Variants in MGAT4C observed in about 807,000 individuals in gnomAD.
MGAT4C encodes the protein MGAT4 family member C.
Under a neutral mutation model 40.1 loss-of-function variants are expected in MGAT4C, and 19 were observed. The ratio of observed to expected loss-of-function variants is 0.47; its 90% CI spans 0.33 to 0.70. The LOEUF is 0.70. Ranked by LOEUF, MGAT4C falls within the 30% of genes least tolerant of loss-of-function variation. The pLI is 0.02. For synonymous variants in MGAT4C, 181 were observed against 187.1 expected (o/e 0.97, Z 0.27); for missense variants, 491 against 563.2 (o/e 0.87, Z 1.30).
intron 2 of MGAT4C, among the ~76,000 whole-genome samples, chr12:86,672,580 A>C (rs989757652): frequency 6.6e-6 from 1 of 152,126 alleles, no homozygotes; most frequent in Non-Finnish European, 1.5e-5. Context: ...TCAGAGATGA[A>C]AAAGGAGACA....
intron 1 of MGAT4C, among the ~76,000 whole-genome samples, chr12:86,790,956 T>C (rs1189726544): frequency 1.3e-5 from 2 of 152,112 alleles, no homozygotes; most frequent in African/African-American, 4.8e-5. Context: ...AATTCTCCCA[T>C]TGTGTAGGCA....
chr12:86,461,552 C>A (rs553960849), intron 2 of MGAT4C, among the ~76,000 whole-genome samples: 4 of 152,058 alleles, frequency 2.6e-5, no homozygotes, highest in Admixed American at 6.5e-5. Flanking sequence ...GCCACATCTT[C>A]TTACTAATAG....
chr12:86,675,276 G>C (rs186139007), intron 2 of MGAT4C, among the ~76,000 whole-genome samples: 51 of 152,228 alleles, frequency 3.4e-4, no homozygotes, highest in East Asian at 2.7e-3. Flanking sequence ...AAATCTTCTA[G>C]AAGACTACTC....
chr12:86,331,619 A>C (rs1954671076), intron 4 of MGAT4C, among the ~76,000 whole-genome samples: 1 of 152,114 alleles, frequency 6.6e-6, no homozygotes, highest in Admixed American at 6.6e-5. Context: ...GGCTGCAACC[A>C]ATAATTCTTT....
rs1400714511 is a variant in MGAT4C, at chr12:85,966,808, C to G, written c.*12481G>C. 1 of 151,632 alleles carries G rather than the reference C, an allele frequency of 6.6e-6. No homozygotes were observed. Among genetic ancestry groups the G allele is most frequent in the African/African-American group, 2.4e-5 (1 of 41,200 alleles). 9.4% of individuals were successfully genotyped at this position (151,632 alleles called of 1,614,324 possible). ...GCAAACTATTGCAACGACAAAAAAA[C>G]CAAACACTGCATGTTCTCATAGGTG... On this transcript the variant is annotated 3_prime_UTR_variant, in exon 5 of 5. Transcript: ENST00000611864.
chr12:86,375,410 G>A (rs1955805249), intron 3 of MGAT4C, among the ~76,000 whole-genome samples: 1 of 151,974 alleles, frequency 6.6e-6, no homozygotes, highest in Non-Finnish European at 1.5e-5. Context: ...AATAAGGTAT[G>A]GTTAGACATG....
intron 1 of MGAT4C, among the ~76,000 whole-genome samples, chr12:86,791,921 C>T (rs1952029708): frequency 6.6e-6 from 1 of 152,202 alleles, no homozygotes; most frequent in Non-Finnish European, 1.5e-5. Context: ...AGGAGAGACA[C>T]AGGCATTGTG....
At chr12:86,699,894 G>A (rs1458479690) in intron 2 of MGAT4C, among the ~76,000 whole-genome samples, 1 of 151,972 alleles carries the variant, frequency 6.6e-6, no homozygotes, top group Non-Finnish European at 1.5e-5. Context: ...GTCACAGGTG[G>A]CAGAGGCAAA....
chr12:86,164,366 A>T (rs543907839), intron 1 of MGAT4C, among the ~76,000 whole-genome samples: 2 of 152,280 alleles, frequency 1.3e-5, no homozygotes, highest in South Asian at 4.1e-4. Flanking sequence ...GCAAAACTGA[A>T]ACGCATGTAT....
At chr12:86,147,036 T>G (rs1227184411) in intron 1 of MGAT4C, among the ~76,000 whole-genome samples, 5 of 152,174 alleles carry the variant, frequency 3.3e-5, no homozygotes, top group African/African-American at 1.2e-4. Context: ...TTCTTGTCTT[T>G]AGAATGTCTA....
intron 2 of MGAT4C, among the ~76,000 whole-genome samples, chr12:86,651,978 T>C (rs1261029902): frequency 2.0e-5 from 3 of 152,024 alleles, no homozygotes; most frequent in African/African-American, 7.2e-5. Flanking sequence ...TCTGAAGATA[T>C]GCTTTTTACA....
chr12:86,722,914 T>C (rs555080690), intron 2 of MGAT4C, among the ~76,000 whole-genome samples: 42 of 152,266 alleles, frequency 2.8e-4, no homozygotes, highest in African/African-American at 1.0e-3. Context: ...AGGGAGCATA[T>C]GGTATGCATA....
At chr12:86,546,286 A>G (rs1035356832) in intron 2 of MGAT4C, among the ~76,000 whole-genome samples, 1 of 151,728 alleles carries the variant, frequency 6.6e-6, no homozygotes, top group Non-Finnish European at 1.5e-5. Flanking sequence ...ATAAAGTTCT[A>G]TCTCTATTTA....
intron 2 of MGAT4C, among the ~76,000 whole-genome samples, chr12:86,639,999 A>G (rs905146322): frequency 4.6e-5 from 7 of 151,606 alleles, no homozygotes; most frequent in Non-Finnish European, 1.0e-4. Flanking sequence ...AGTTACACTT[A>G]TTTTTTCAAA....
rs144584792 is a variant in MGAT4C at position 86,482,417 on chromosome 12, T to C, written c.-228-47152A>G. 3.0e-3 allele frequency among the ~76,000 whole-genome samples: 455 copies of C among 152,180 alleles called. 2 individuals are homozygous for C. Among genetic ancestry groups the C allele is most frequent in the African/African-American group, 0.01 (434 of 41,560 alleles). ...ATAATGTTTTCTATAATTATCAACT[T>C]GAAAAAGTTGACACATTTTTATTTT... On this transcript the variant is annotated intron_variant, in intron 2 of 7. Transcript: ENST00000548651.
chr12:86,601,420 C>G (rs1376432804), intron 2 of MGAT4C: 1 of 152,220 alleles, frequency 6.6e-6, no homozygotes, highest in East Asian at 1.9e-4. Flanking sequence ...TGAACTTCCT[C>G]CATCCTGAGC....
intron 1 of MGAT4C, among the ~76,000 whole-genome samples, chr12:86,805,162 G>A (rs1952325376): frequency 6.6e-6 from 1 of 151,852 alleles, no homozygotes; most frequent in African/African-American, 2.4e-5. Flanking sequence ...TTTGTTTAAT[G>A]TTAATTGTCT....
chr12:86,414,638 T>C (rs1350608810), intron 3 of MGAT4C, among the ~76,000 whole-genome samples: 1 of 152,172 alleles, frequency 6.6e-6, no homozygotes, highest in Admixed American at 6.6e-5. Context: ...GTTGAAGATC[T>C]ATAATCTTAA....
chr12:86,471,399 A>T (rs1030790156), intron 2 of MGAT4C, among the ~76,000 whole-genome samples: 2 of 152,008 alleles, frequency 1.3e-5, no homozygotes, highest in African/African-American at 4.8e-5. Context: ...ATCTTACTTG[A>T]AATATTAAGT....
Sources: gnomAD v4.1 joint callset for allele counts (sites outside exome capture counted in the v4.1 genomes callset) on GRCh38, gnomAD v4.1.1 for gene constraint, MANE v1.5 for transcripts, NCBI Gene and HGNC (gene_info 2026-07-23, HGNC 2026-07-21) for gene names.